Variants in ANKRD24 observed in about 807,000 individuals in gnomAD.
ANKRD24 encodes the protein ankyrin repeat domain-containing protein 24.
A neutral mutation model predicts 127.8 loss-of-function variants in ANKRD24; 109 were observed. That is an observed-to-expected ratio of 0.85 (90% CI 0.73 to 1.00). The LOEUF is 1.00. ANKRD24 is among the 50% of genes least tolerant of loss of function. The pLI, the probability that ANKRD24 is intolerant of heterozygous loss-of-function variation, is 0.00. For missense variants in ANKRD24, 1,648 were observed against 1,570.2 expected, an observed-to-expected ratio of 1.05 and a Z score of -0.84; for synonymous variants, 743 against 671.1, an observed-to-expected ratio of 1.11 and a Z score of -1.66.
chr19:4,199,828 G>A lies in ANKRD24; in HGVS notation c.124-47G>A, dbSNP rs754599420. 1 of 1,539,080 alleles carries A rather than the reference G, an allele frequency of 6.5e-7. No homozygotes were observed. Among genetic ancestry groups the A allele is most frequent in the Non-Finnish European group, 8.8e-7 (1 of 1,139,838 alleles). On this transcript the variant is annotated intron_variant, in intron 3 of 21. Transcript: ENST00000318934. The surrounding 1 kb of genome is among the most constrained non-coding windows in gnomAD (Gnocchi z 5.2). ...AGCCCCTGTCGGGGGCGTGGGGAGG[G>A]GACAGCAGCCAACACTGCCCCACGC...
At chr19:4,183,550 G>A in intron 1 of ANKRD24, 1 of 171,868 alleles carries the variant, frequency 5.8e-6, no homozygotes, top group Non-Finnish European at 1.2e-5. Context: ...GGGCTCACAG[G>A]AGGCACCTGA....
chr19:4,183,763 A>C (rs533668005), intron 1 of ANKRD24, among the ~76,000 whole-genome samples: 42 of 151,968 alleles, frequency 2.8e-4, no homozygotes, highest in Middle Eastern at 3.4e-3. Context: ...AAAATACAAA[A>C]TTAGCTGGGT....
At chr19:4,212,733 C>T (rs1009971767) in intron 15 of ANKRD24, 35 bp downstream of exon 15, 1 of 1,520,910 alleles carries the variant, frequency 6.6e-7, no homozygotes, top group African/African-American at 1.4e-5. Context: ...TGGGCTGGGG[C>T]TGGGTCGGGG....
Position 4,198,465 on chromosome 19 carries a change from CG to C in ANKRD24, c.37-1217del. 8.1e-6 allele frequency: 5 copies of C among 613,674 alleles called. No individual in the cohort carries two copies. The highest frequency in any genetic ancestry group is 1.7e-5 in the South Asian group (1 of 57,668). 38.0% of individuals were successfully genotyped at this position (613,674 alleles called of 1,614,324 possible). ...CGCCGCCTCCTCTTGGAACCCCGTG[CG>C]CCCCCCGCGCCCCGCGCCCCGGACG... On this transcript the variant is annotated intron_variant, in intron 2 of 21. Transcript: ENST00000318934. This position sits in a 1 kb window ranked among gnomAD's most constrained non-coding sequence, Gnocchi z 6.1.
At chr19:4,189,897 G>A (rs965012670) in intron 2 of ANKRD24, among the ~76,000 whole-genome samples, 6 of 152,086 alleles carry the variant, frequency 3.9e-5, no homozygotes, top group East Asian at 1.9e-4. Flanking sequence ...CCAGGGCTGC[G>A]TTACTATGAA....
rs767237348 is a variant in ANKRD24 at position 4,216,048 on chromosome 19, C to T, written c.1268C>T (p.Pro423Leu). 2.5e-6 allele frequency: 4 copies of T among 1,594,750 alleles called. No homozygotes were observed. In the African/African-American group the frequency reaches 4.0e-5, roughly 16 times the overall value. Residue 423 changes from proline (P) to leucine (L), a missense_variant and splice_region_variant, in exon 16 of 22, where the codon CCA (proline) becomes CTA (leucine). Physicochemically the swap from Pro to Leu is moderately conservative, Grantham distance 98. Transcript: ENST00000318934. The stretch of plus-strand genomic sequence containing the variant: ...GAGGAGGGTGAGCTGCCTGACCTTC[C>T]AGGTGAGCCCCCACCTCCCCACGCA... ...QDEEGELPDL[P>L]GAEVLLSRQL... is the part of the protein sequence containing the mutation.
intron 15 of ANKRD24, among the ~76,000 whole-genome samples, chr19:4,214,326 C>T (rs1568336716): frequency 6.6e-6 from 1 of 151,914 alleles, no homozygotes; most frequent in East Asian, 1.9e-4. Flanking sequence ...TGCCACCACA[C>T]CTGGCTAATT....
At chr19:4,221,467 C>T (rs550226869) in intron 19 of ANKRD24, among the ~76,000 whole-genome samples, 6 of 152,006 alleles carry the variant, frequency 3.9e-5, no homozygotes, top group Admixed American at 2.0e-4. Flanking sequence ...TGAGCTCAAG[C>T]GATCTGTCTG....
intron 15 of ANKRD24, among the ~76,000 whole-genome samples, 181 bp from the exon 16 acceptor site, chr19:4,215,797 G>A (rs907897653): frequency 6.6e-6 from 1 of 151,266 alleles, no homozygotes; most frequent in African/African-American, 2.4e-5. Flanking sequence ...AAGTGGCACG[G>A]GGAGTGGGTG....
chr19:4,210,156 C>A lies in ANKRD24; in HGVS notation c.951+18C>A, dbSNP rs373002512. ...CCATGCCGGTGAGAGATGCTCTGGG[C>A]ACGGGAGGAGGCATGGGGAGCCCCC... On this transcript the variant is annotated intron_variant, in intron 12 of 21. Transcript: ENST00000318934. 6.3e-7 allele frequency: 1 copy of A among 1,595,984 alleles called. No homozygotes were observed. Among genetic ancestry groups the A allele is most frequent in the Non-Finnish European group, 8.5e-7 (1 of 1,171,738 alleles).
intron 1 of ANKRD24, chr19:4,183,331 C>T (rs1967850300): frequency 1.0e-6 from 1 of 986,280 alleles, no homozygotes; most frequent in Non-Finnish European, 1.2e-6. Flanking sequence ...CAGGACAGGT[C>T]CTGCTCAAGG....
At chr19:4,216,524 C>T (rs770154676) in intron 17 of ANKRD24, 26 bp from the exon 18 acceptor site, 9 of 1,583,670 alleles carry the variant, frequency 5.7e-6, no homozygotes, top group African/African-American at 4.0e-5. Context: ...TCCTGCCAGA[C>T]TCCTGCCCCC....
Position 4,198,238 on chromosome 19 carries a change from C to A in ANKRD24, c.37-1445C>A. On this transcript the variant is annotated intron_variant, in intron 2 of 21. Transcript: ENST00000318934. The surrounding 1 kb of genome is among the most constrained non-coding windows in gnomAD (Gnocchi z 6.1). ...AGGTCAGGAGGGGCCGGGGCGGCGCCCCTTCCCTCAGCCCCCAGCCCCCAG... is the reference window on the plus strand; with the variant it reads ...AGGTCAGGAGGGGCCGGGGCGGCGCACCTTCCCTCAGCCCCCAGCCCCCAG... The A allele has an allele frequency of 2.0e-6, 1 of 504,058 alleles. No individual in the cohort carries two copies. The highest frequency in any genetic ancestry group is 2.8e-5 in the South Asian group (1 of 36,034). The allele number at this position is 504,058 out of a possible 1,614,324, so 31.2% of individuals were successfully genotyped here. A position where few individuals can be genotyped will look rare whatever the true frequency, so the allele number is the denominator to read the frequency against.
At position 4,207,407 on chromosome 19, in the gene ANKRD24, A is replaced by G. The variant is rs551206615; in HGVS notation, c.538-94A>G. The G allele has an allele frequency of 6.3e-6, 10 of 1,579,234 alleles. No homozygotes were observed. The South Asian group carries it at 1.1e-4, about 17-fold the overall frequency. On this transcript the variant is annotated intron_variant, in intron 8 of 21. Coordinates refer to ENST00000318934, the MANE Select transcript of ANKRD24 (RefSeq NM_001393985.1). Reference sequence around the variant, plus strand: ...CAGGCACCCTTTGAAAGTCTGAGAAAGTTTGAGGTGAAACTCAAGGGCAGT... The same window carrying G: ...CAGGCACCCTTTGAAAGTCTGAGAAGGTTTGAGGTGAAACTCAAGGGCAGT...
rs760468763 is a variant in ANKRD24 at position 4,215,975 on chromosome 19, C to G, written c.1198-3C>G. ...CGAGCTGGACTCTGCTCCCTCCCCC[C>G]AGAACGAGCGGGAGAATACTAGCTA... is the stretch of plus-strand genomic sequence containing the variant. On this transcript the variant is annotated splice_polypyrimidine_tract_variant and splice_region_variant and intron_variant, in intron 15 of 21. Transcript: ENST00000318934. 62 of 1,584,170 alleles carry G rather than the reference C, an allele frequency of 3.9e-5. No homozygotes were observed. The highest frequency in any genetic ancestry group is 5.1e-5 in the Non-Finnish European group (60 of 1,166,396).
intron 7 of ANKRD24, among the ~76,000 whole-genome samples, chr19:4,205,427 A>G (rs570190748): frequency 6.6e-6 from 1 of 152,334 alleles, no homozygotes; most frequent in African/African-American, 2.4e-5. Flanking sequence ...CTGGATGTCA[A>G]CCTGCTGGAA....
At chr19:4,211,616 C>T (rs1969744161) in intron 13 of ANKRD24, among the ~76,000 whole-genome samples, 1 of 151,986 alleles carries the variant, frequency 6.6e-6, no homozygotes, top group South Asian at 2.1e-4. Flanking sequence ...TGCACTCCAG[C>T]CTGGGTGACA....
At chr19:4,216,518 G>C in intron 17 of ANKRD24, 32 bp from the exon 18 acceptor site, 1 of 1,577,028 alleles carries the variant, frequency 6.3e-7, no homozygotes, top group East Asian at 2.3e-5. Flanking sequence ...ATCAACTCCT[G>C]CCAGACTCCT....
intron 2 of ANKRD24, among the ~76,000 whole-genome samples, chr19:4,196,281 C>T (rs1968729933): frequency 6.6e-6 from 1 of 152,212 alleles, no homozygotes; most frequent in African/African-American, 2.4e-5. Flanking sequence ...ATTCAAGCCC[C>T]TGTCACCTGT....
Sources: allele counts gnomAD v4.1 joint callset (sites outside exome capture counted in the v4.1 genomes callset), GRCh38; gene constraint gnomAD v4.1.1; non-coding constraint Gnocchi (gnomAD v3.1); transcripts MANE v1.5; gene names NCBI Gene and HGNC (gene_info 2026-07-23, HGNC 2026-07-21).